Variants in SLC35D4 observed in about 807,000 individuals in gnomAD.
The protein encoded by SLC35D4 is UDP-N-acetylglucosamine transporter SLC35D4.
chr18:23,374,887 G>A, the SLC35D4 span, among the ~76,000 whole-genome samples: 1 of 152,078 alleles, frequency 6.6e-6, no homozygotes, highest in African/African-American at 2.4e-5. Context: ...GGCCAAGGCG[G>A]GCAGACCACT....
chr18:23,287,966 C>G, the SLC35D4 span, among the ~76,000 whole-genome samples: 12 of 152,238 alleles, frequency 7.9e-5, no homozygotes, highest in Non-Finnish European at 1.8e-4. Context: ...CTATGCTCAA[C>G]TCACCCTCTA....
At chr18:23,266,875 C>G in the SLC35D4 span, among the ~76,000 whole-genome samples, 1 of 152,250 alleles carries the variant, frequency 6.6e-6, no homozygotes, top group African/African-American at 2.4e-5. Context: ...ACTCTCCTCC[C>G]CCAGAGAGGC....
the SLC35D4 span, among the ~76,000 whole-genome samples, chr18:23,329,859 T>C: frequency 3.9e-5 from 6 of 152,204 alleles, no homozygotes; most frequent in Admixed American, 2.0e-4. Flanking sequence ...ATATATACCA[T>C]GGAATACTAT....
chr18:23,253,211 G>A, the SLC35D4 span: 2 of 605,484 alleles, frequency 3.3e-6, no homozygotes, highest in Non-Finnish European at 6.1e-6. Context: ...AGCCGGGCAT[G>A]GTGGCTCACA....
the SLC35D4 span, chr18:23,257,322 G>T: frequency 6.2e-7 from 1 of 1,613,860 alleles, no homozygotes; most frequent in Non-Finnish European, 8.5e-7. Flanking sequence ...ACTTGCCCGA[G>T]CACGAAGTCA....
At chr18:23,423,927 G>A in the SLC35D4 span, among the ~76,000 whole-genome samples, 4 of 152,158 alleles carry the variant, frequency 2.6e-5, no homozygotes, top group Non-Finnish European at 5.9e-5. Flanking sequence ...GATCCTGAAG[G>A]ACCACGTCAA....
At chr18:23,264,276 C>A in the SLC35D4 span, among the ~76,000 whole-genome samples, 1 of 151,658 alleles carries the variant, frequency 6.6e-6, no homozygotes, top group South Asian at 2.1e-4. Flanking sequence ...TTATTCATGC[C>A]AGAAGGCAAA....
At chr18:23,347,589 T>C in the SLC35D4 span, among the ~76,000 whole-genome samples, 1 of 152,124 alleles carries the variant, frequency 6.6e-6, no homozygotes, top group Non-Finnish European at 1.5e-5. Context: ...CAGCTAATCA[T>C]TTAAAATTTT....
At chr18:23,382,565 G>GA in the SLC35D4 span, among the ~76,000 whole-genome samples, 39,795 of 150,950 alleles carry the variant, frequency 0.26, 6,211 homozygotes, top group East Asian at 0.4. Flanking sequence ...TAGGGAGAAA[G>GA]AAAAAAAAAT....
the SLC35D4 span, among the ~76,000 whole-genome samples, chr18:23,300,913 T>C: frequency 1.3e-5 from 2 of 152,228 alleles, no homozygotes; most frequent in African/African-American, 4.8e-5. Context: ...CCATCTAAAT[T>C]TTACATTTAT....
the SLC35D4 span, among the ~76,000 whole-genome samples, chr18:23,338,738 G>A: frequency 3.3e-5 from 5 of 151,914 alleles, no homozygotes; most frequent in Admixed American, 6.6e-5. Context: ...ATGTCCCCCC[G>A]GGTCCTTGAC....
At chr18:23,246,716 C>T in the SLC35D4 span, among the ~76,000 whole-genome samples, 1 of 151,514 alleles carries the variant, frequency 6.6e-6, no homozygotes, top group Non-Finnish European at 1.5e-5. Flanking sequence ...GTTTTTGAGA[C>T]AGTCTCACTC....
At chr18:23,436,793 A>T in the SLC35D4 span, among the ~76,000 whole-genome samples, 1 of 152,162 alleles carries the variant, frequency 6.6e-6, no homozygotes, top group Admixed American at 6.6e-5. Context: ...ACTCTATCTC[A>T]AAAAAATAAA....
the SLC35D4 span, chr18:23,253,112 C>A: frequency 9.7e-7 from 1 of 1,030,374 alleles, no homozygotes; most frequent in South Asian, 1.3e-5. Context: ...GCAAACCCCT[C>A]TTTCCACACA....
chr18:23,338,028 A>C, the SLC35D4 span, among the ~76,000 whole-genome samples: 1 of 152,220 alleles, frequency 6.6e-6, no homozygotes, highest in Non-Finnish European at 1.5e-5. Context: ...GTTGTTATGG[A>C]GACAGCTTTG....
chr18:23,270,041 A>C, the SLC35D4 span, among the ~76,000 whole-genome samples: 1 of 152,244 alleles, frequency 6.6e-6, no homozygotes, highest in Non-Finnish European at 1.5e-5. Flanking sequence ...CAATGAGGAA[A>C]AAGTCTCCTG....
At chr18:23,312,998 G>A in the SLC35D4 span, among the ~76,000 whole-genome samples, 1 of 151,714 alleles carries the variant, frequency 6.6e-6, no homozygotes, top group Non-Finnish European at 1.5e-5. Context: ...GTGATGGCGG[G>A]CGCCTGCAGT....
the SLC35D4 span, among the ~76,000 whole-genome samples, chr18:23,343,263 T>A: frequency 6.6e-6 from 1 of 151,958 alleles, no homozygotes; most frequent in Non-Finnish European, 1.5e-5. Context: ...TTATTTTTAT[T>A]TTTATTTTTT....
the SLC35D4 span, among the ~76,000 whole-genome samples, chr18:23,392,602 G>A: frequency 2.0e-5 from 3 of 152,156 alleles, no homozygotes; most frequent in African/African-American, 4.8e-5. Context: ...ATACCTTGCC[G>A]GAGCTCCTCC....
Sources: gnomAD v4.1 joint callset for allele counts (sites outside exome capture counted in the v4.1 genomes callset) on GRCh38, gnomAD v4.1.1 for gene constraint, MANE v1.5 for transcripts, NCBI Gene and HGNC (gene_info 2026-07-23, HGNC 2026-07-21) for gene names.